The following ERO1B variants were observed in gnomAD, a reference collection of about 807,000 sequenced individuals.
ERO1B encodes ERO1-like protein beta.
In ERO1B, 49 loss-of-function variants were observed where a neutral mutation model predicts 75.3. The ratio of observed to expected loss-of-function variants is 0.65; its 90% confidence interval spans 0.52 to 0.83. The LOEUF (loss-of-function observed/expected upper bound fraction) is 0.83. Among genes scored for constraint, ERO1B ranks in the 40% least tolerant of loss-of-function variants. The probability of loss-of-function intolerance (pLI) is 0.00; values close to 1 mark genes in which losing one functional copy is unlikely to be tolerated. For synonymous variants in ERO1B, 191 were observed against 192.9 expected, an observed-to-expected ratio of 0.99 and a Z score of 0.08; for missense variants, 512 against 560.1, an observed-to-expected ratio of 0.91 and a Z score of 0.87.
At chr1:236,277,731 A>G (rs1230140814) in intron 1 of ERO1B, among the ~76,000 whole-genome samples, 1 of 152,176 alleles carries the variant, frequency 6.6e-6, no homozygotes, top group Non-Finnish European at 1.5e-5. Flanking sequence ...TGAAAAGGTG[A>G]TGGAGAATTA....
chr1:236,248,792 G>T (rs1257964099), intron 5 of ERO1B, among the ~76,000 whole-genome samples: 1 of 151,886 alleles, frequency 6.6e-6, no homozygotes, highest in African/African-American at 2.4e-5. Flanking sequence ...ACTGGATTAG[G>T]GAATACAGCA....
At chr1:236,263,397 C>G (rs1356688258) in intron 2 of ERO1B, among the ~76,000 whole-genome samples, 1 of 151,944 alleles carries the variant, frequency 6.6e-6, no homozygotes, top group Non-Finnish European at 1.5e-5. Flanking sequence ...TACAAGCACA[C>G]TCCACCACGC....
At chr1:236,234,817 T>C (rs1572038378) in intron 8 of ERO1B, among the ~76,000 whole-genome samples, 2 of 152,278 alleles carry the variant, frequency 1.3e-5, no homozygotes, top group South Asian at 4.1e-4. Flanking sequence ...AATGACAGAG[T>C]TGCTCCCAGG....
At position 236,221,828 on chromosome 1, in the gene ERO1B, T is replaced by C. The variant is rs531155843; in HGVS notation, c.1209+96A>G. 2.4e-5 allele frequency: 22 copies of C among 926,686 alleles called. 2 individuals carry two copies. In the South Asian group the frequency reaches 3.4e-4, roughly 14 times the overall value. The allele number at this position is 926,686 out of a possible 1,614,324, so 57.4% of individuals were successfully genotyped here. On this transcript the variant is annotated intron_variant, in intron 14 of 15. Coordinates refer to ENST00000354619, the MANE Select transcript of ERO1B (RefSeq NM_019891.4). Reference sequence around the variant, plus strand: ...GGATCTGCCTATTCCTAAATTCTAATTCAATGAACAATGAGGACATTTTAA... The same window carrying C: ...GGATCTGCCTATTCCTAAATTCTAACTCAATGAACAATGAGGACATTTTAA...
At chr1:236,257,560 C>CAAAA (rs57151086) in intron 2 of ERO1B, among the ~76,000 whole-genome samples, 29,296 of 124,452 alleles carry the variant, frequency 0.24, 3,485 homozygotes, top group East Asian at 0.42. Context: ...AAATATGCTC[C>CAAAA]AAAAAAAAAA....
At chr1:236,228,605 T>G (rs1558506891) in intron 10 of ERO1B, among the ~76,000 whole-genome samples, 2 of 152,226 alleles carry the variant, frequency 1.3e-5, no homozygotes, top group Non-Finnish European at 2.9e-5. Context: ...TCGATTTAAT[T>G]TCATTAAAAT....
At chr1:236,261,538 CAT>C (rs1238861490) in intron 2 of ERO1B, among the ~76,000 whole-genome samples, 17 of 152,060 alleles carry the variant, frequency 1.1e-4, no homozygotes, top group African/African-American at 4.1e-4. Flanking sequence ...ATTGAGAGAT[CAT>C]ATTTACAGTA....
intron 14 of ERO1B, 180 bp downstream of exon 14, chr1:236,221,744 C>T (rs2102937689): frequency 1.9e-6 from 1 of 537,480 alleles, no homozygotes; most frequent in Non-Finnish European, 3.3e-6. Context: ...TGAGAAACAT[C>T]CTTTCACATA....
intron 12 of ERO1B, among the ~76,000 whole-genome samples, chr1:236,225,706 G>C (rs1028797223): frequency 6.6e-6 from 1 of 152,194 alleles, no homozygotes; most frequent in Non-Finnish European, 1.5e-5. Context: ...AGGCAGAGGA[G>C]GGTGCATCAC....
At chr1:236,251,920 G>A in intron 4 of ERO1B, 130 bp downstream of exon 4, 1 of 669,438 alleles carries the variant, frequency 1.5e-6, no homozygotes, top group East Asian at 2.8e-5. Context: ...TAGGGATTTG[G>A]AATTCTGAGG....
In ERO1B at chr1:236,243,405, ATAGTT is replaced by A; in HGVS notation, c.505+12_505+16del. On this transcript the variant is annotated intron_variant, in intron 6 of 15. Transcript: ENST00000354619. ...TTAAAGTTAAAATAATTTAATTATA[ATAGTT>A]TATTGTATTACCATCAAGTTCACAA... 6.8e-7 allele frequency: 1 copy of A among 1,480,788 alleles called. No individual in the cohort carries two copies. The highest frequency in any genetic ancestry group is 9.2e-7 in the Non-Finnish European group (1 of 1,086,010). The allele number at this position is 1,480,788 out of a possible 1,614,324, so 91.7% of individuals were successfully genotyped here.
In ERO1B at chr1:236,232,822, G is replaced by T; in HGVS notation, c.685+6C>A. 1 of 1,593,846 alleles carries T rather than the reference G, an allele frequency of 6.3e-7. No homozygotes were observed. ...CTTGAAACAAACAAACATGAGTTTT[G>T]CTCACCATCATCTTCGCCTAAAAGA... is the stretch of plus-strand genomic sequence containing the variant. On this transcript the variant is annotated splice_donor_region_variant and intron_variant, in intron 9 of 15. Coordinates refer to ENST00000354619, the MANE Select transcript of ERO1B (RefSeq NM_019891.4).
At chr1:236,231,474 C>T (rs1664405900) in intron 9 of ERO1B, among the ~76,000 whole-genome samples, 1 of 133,824 alleles carries the variant, frequency 7.5e-6, no homozygotes, top group Admixed American at 8.0e-5. Context: ...ACAATGTATA[C>T]ATATTTCAAA....
chr1:236,257,762 G>A (rs1248518161), intron 2 of ERO1B, among the ~76,000 whole-genome samples: 1 of 151,178 alleles, frequency 6.6e-6, no homozygotes, highest in Non-Finnish European at 1.5e-5. Context: ...TTGACCTGAA[G>A]AACACAATAG....
chr1:236,276,522 A>G (rs1665713438), intron 1 of ERO1B, among the ~76,000 whole-genome samples: 2 of 152,196 alleles, frequency 1.3e-5, no homozygotes, highest in Admixed American at 6.5e-5. Flanking sequence ...TATTTCAAGG[A>G]GAGTGAGTGA....
At chr1:236,256,284 C>T (rs1327562283) in intron 2 of ERO1B, among the ~76,000 whole-genome samples, 1 of 152,152 alleles carries the variant, frequency 6.6e-6, no homozygotes, top group African/African-American at 2.4e-5. Context: ...GGGGATATTC[C>T]CTGTGTCTTC....
chr1:236,249,848 G>T (rs1435464830), intron 5 of ERO1B, 37 bp downstream of exon 5: 2 of 1,412,600 alleles, frequency 1.4e-6, no homozygotes, highest in East Asian at 4.8e-5. Flanking sequence ...TGATATCAAT[G>T]AGAATATTTT....
chr1:236,239,911 A>ATTTTTTTTTTTTTT (rs1218642025), intron 6 of ERO1B, among the ~76,000 whole-genome samples: 4 of 106,952 alleles, frequency 3.7e-5, no homozygotes, highest in African/African-American at 1.6e-4. Context: ...ATATATATAT[A>ATTTTTTTTTTTTTT]TTTTTTTTTT....
In ERO1B at chr1:236,215,655, A is replaced by G. The variant is rs543263767; in HGVS notation, c.*2861T>C. 6.6e-6 allele frequency: 1 copy of G among 152,320 alleles called. No individual in the cohort carries two copies. The highest frequency in any genetic ancestry group is 2.1e-4 in the South Asian group (1 of 4,832). 9.4% of individuals were successfully genotyped at this position (152,320 alleles called of 1,614,324 possible). On this transcript the variant is annotated 3_prime_UTR_variant, in exon 16 of 16. Coordinates refer to ENST00000354619, the MANE Select transcript of ERO1B (RefSeq NM_019891.4). Reference sequence around the variant, plus strand: ...CAAAATCAAAGCTGCACCTGTAGATATTCCTTAAAATACAGTACACATAGA... The same window carrying G: ...CAAAATCAAAGCTGCACCTGTAGATGTTCCTTAAAATACAGTACACATAGA...
Sources: allele counts gnomAD v4.1 joint callset (sites outside exome capture counted in the v4.1 genomes callset), GRCh38; gene constraint gnomAD v4.1.1; transcripts MANE v1.5; gene names NCBI Gene and HGNC (gene_info 2026-07-23, HGNC 2026-07-21).